Variants in DENND5B observed in about 807,000 individuals in gnomAD.
The protein encoded by DENND5B is DENN domain containing 5B, also known as DENN domain-containing protein 5B.
DENND5B carries 34 observed loss-of-function variants against 140.6 expected under a neutral mutation model. The ratio of observed to expected loss-of-function variants is 0.24; its 90% CI spans 0.18 to 0.32. DENND5B has a LOEUF of 0.32. Among genes scored for constraint, DENND5B ranks in the 10% least tolerant of loss-of-function variants. DENND5B has a pLI of 1.00. For synonymous variants in DENND5B, 551 were observed against 562.1 expected (o/e 0.98, Z 0.28); for missense variants, 1,142 against 1,560.2 (o/e 0.73, Z 4.52).
chr12:31,431,374 T>C lies in DENND5B; in HGVS notation c.2106+1781A>G, dbSNP rs181871166. Reference sequence around the variant, plus strand: ...ATAAGCAAGATTTCTAAGTTGCTTGTTGCCTCAAGTGAACAGTGGTTAGTG... The same window carrying C: ...ATAAGCAAGATTTCTAAGTTGCTTGCTGCCTCAAGTGAACAGTGGTTAGTG... On this transcript the variant is annotated intron_variant, in intron 8 of 20. Coordinates refer to ENST00000389082, the MANE Select transcript of DENND5B (RefSeq NM_144973.4). Among the ~76,000 whole-genome samples, 171 of 152,308 alleles carry C rather than the reference T, an allele frequency of 1.1e-3. 2 individuals carry two copies. The highest frequency in any genetic ancestry group is 0.011 in the Admixed American group (167 of 15,292).
intron 4 of DENND5B, among the ~76,000 whole-genome samples, chr12:31,458,199 T>C (rs940206755): frequency 6.6e-6 from 1 of 152,162 alleles, no homozygotes; most frequent in African/African-American, 2.4e-5. Context: ...CAAACAGGCA[T>C]AGAGATGGAA....
chr12:31,572,727 T>C (rs763347018), intron 1 of DENND5B, among the ~76,000 whole-genome samples: 2 of 152,180 alleles, frequency 1.3e-5, no homozygotes, highest in Non-Finnish European at 2.9e-5. Context: ...AAAAATCTCC[T>C]GCTCTTGTAT....
rs1940767874 is a variant in DENND5B at position 31,384,591 on chromosome 12, C to G, written c.*3012G>C. On this transcript the variant is annotated 3_prime_UTR_variant, in exon 21 of 21. Coordinates refer to ENST00000389082, the MANE Select transcript of DENND5B (RefSeq NM_144973.4). ...CTCACAAGGTGACTGAAGGACCCAT[C>G]ATCCAAGAGGATGTGTCAGTTCTGA... 6.6e-6 allele frequency: 1 copy of G among 152,158 alleles called. No homozygotes were observed. The highest frequency in any genetic ancestry group is 6.5e-5 in the Admixed American group (1 of 15,268). The allele number at this position is 152,158 out of a possible 1,614,324, so 9.4% of individuals were successfully genotyped here.
chr12:31,557,660 G>C (rs926177937), intron 1 of DENND5B, among the ~76,000 whole-genome samples: 1 of 151,960 alleles, frequency 6.6e-6, no homozygotes, highest in African/African-American at 2.4e-5. Flanking sequence ...AGGTGAATAG[G>C]AAGTTTAGCA....
At chr12:31,440,176 AT>A (rs1195536262) in intron 7 of DENND5B, among the ~76,000 whole-genome samples, 2 of 151,760 alleles carry the variant, frequency 1.3e-5, no homozygotes, top group African/African-American at 2.4e-5. Context: ...CTATTAGCAC[AT>A]TTTTTTTCTT....
intron 1 of DENND5B, among the ~76,000 whole-genome samples, chr12:31,577,660 G>A (rs1025773692): frequency 1.4e-5 from 2 of 141,046 alleles, no homozygotes; most frequent in Non-Finnish European, 3.0e-5. Flanking sequence ...GCAGTGAGCT[G>A]AGATTGCGCC....
chr12:31,524,334 T>C (rs1028699656), intron 1 of DENND5B, among the ~76,000 whole-genome samples: 1 of 152,178 alleles, frequency 6.6e-6, no homozygotes, highest in Non-Finnish European at 1.5e-5. Flanking sequence ...AAGCTCCTGT[T>C]GTTTCTATCT....
At chr12:31,395,803 T>C (rs1378438698) in intron 17 of DENND5B, among the ~76,000 whole-genome samples, 1 of 151,864 alleles carries the variant, frequency 6.6e-6, no homozygotes, top group Non-Finnish European at 1.5e-5. Context: ...CTGTGATTTT[T>C]CCCTAAATAC....
chr12:31,458,867 C>A (rs1376655587), intron 4 of DENND5B, among the ~76,000 whole-genome samples: 1 of 152,160 alleles, frequency 6.6e-6, no homozygotes, highest in Admixed American at 6.6e-5. Flanking sequence ...ACACTCTTAT[C>A]CATATTTCAT....
intron 1 of DENND5B, among the ~76,000 whole-genome samples, chr12:31,498,378 T>C (rs542770599): frequency 3.9e-5 from 6 of 152,300 alleles, no homozygotes; most frequent in Admixed American, 3.3e-4. Context: ...GAAAGTGCCA[T>C]TCTCAATATA....
At chr12:31,590,195 C>G (rs1950564580) in intron 1 of DENND5B, 2 of 152,116 alleles carry the variant, frequency 1.3e-5, no homozygotes, top group African/African-American at 4.8e-5. Flanking sequence ...CGCGCTCGCT[C>G]CGCACGGCCA....
At chr12:31,392,918 T>G (rs1012584784) in intron 17 of DENND5B, among the ~76,000 whole-genome samples, 1 of 152,224 alleles carries the variant, frequency 6.6e-6, no homozygotes, top group Non-Finnish European at 1.5e-5. Context: ...ATCCCAGCAT[T>G]ACCATCTGCA....
At chr12:31,563,737 A>G (rs565874606) in intron 1 of DENND5B, among the ~76,000 whole-genome samples, 2 of 152,314 alleles carry the variant, frequency 1.3e-5, no homozygotes, top group East Asian at 1.9e-4. Context: ...TTGGAAACCA[A>G]TAAGAAACAT....
intron 8 of DENND5B, chr12:31,432,163 T>C: frequency 1.0e-6 from 1 of 980,018 alleles, no homozygotes; most frequent in South Asian, 4.7e-5. Flanking sequence ...GCTAAGAGGA[T>C]GGAGAAATGC....
intron 1 of DENND5B, 66 bp downstream of exon 1, chr12:31,590,640 C>A: frequency 7.2e-7 from 1 of 1,381,228 alleles, no homozygotes; most frequent in South Asian, 1.5e-5. Flanking sequence ...CCCCGCCTCC[C>A]GCGCGTCCCC....
chr12:31,409,536 T>C (rs546125524), intron 13 of DENND5B, among the ~76,000 whole-genome samples, 152 bp from the exon 14 acceptor site: 2 of 146,364 alleles, frequency 1.4e-5, no homozygotes, highest in East Asian at 4.2e-4. Context: ...TGGAGTGCAA[T>C]GGTGCAATCT....
At chr12:31,450,917 T>TG (rs1460534588) in intron 5 of DENND5B, among the ~76,000 whole-genome samples, 1 of 151,960 alleles carries the variant, frequency 6.6e-6, no homozygotes, top group Non-Finnish European at 1.5e-5. Flanking sequence ...GGGAGATAGG[T>TG]GAAAAAAAAC....
chr12:31,490,940 T>C (rs1946502166), intron 2 of DENND5B, among the ~76,000 whole-genome samples: 1 of 152,228 alleles, frequency 6.6e-6, no homozygotes, highest in African/African-American at 2.4e-5. Flanking sequence ...AAAATATATT[T>C]ATGATGTTTC....
intron 1 of DENND5B, among the ~76,000 whole-genome samples, chr12:31,536,658 TA>T (rs35806128): frequency 0.079 from 11,811 of 149,120 alleles, 1,053 homozygotes; most frequent in African/African-American, 0.22. Context: ...AAGATGTATT[TA>T]AAAAAAAAAG....
Sources: gnomAD v4.1 joint callset for allele counts (sites outside exome capture counted in the v4.1 genomes callset) on GRCh38, gnomAD v4.1.1 for gene constraint, MANE v1.5 for transcripts, NCBI Gene and HGNC (gene_info 2026-07-23, HGNC 2026-07-21) for gene names.